Variants in GALNT17 observed in about 807,000 individuals in gnomAD.
GALNT17 encodes polypeptide N-acetylgalactosaminyltransferase 17, also known as UDP-GalNAc:polypeptide N-acetylgalactosaminyltransferase-like 3.
GALNT17 carries 29 observed loss-of-function variants against 63.7 expected under a neutral mutation model. The observed-to-expected ratio is 0.46, with a 90% CI of 0.34 to 0.62. GALNT17 has a LOEUF of 0.62. Among genes scored for constraint, GALNT17 ranks in the 20% least tolerant of loss-of-function variants. The pLI, the probability that GALNT17 is intolerant of heterozygous loss-of-function variation, is 0.01. For synonymous variants in GALNT17, 305 were observed against 318.3 expected, an observed-to-expected ratio of 0.96 and a Z score of 0.45; for missense variants, 603 against 799.6, an observed-to-expected ratio of 0.75 and a Z score of 2.97.
At chr7:71,141,679 CTTTTTTT>C (rs772422312) in intron 1 of GALNT17, among the ~76,000 whole-genome samples, 2 of 139,428 alleles carry the variant, frequency 1.4e-5, no homozygotes, top group South Asian at 2.3e-4. Flanking sequence ...TTCTTTCTTT[CTTTTTTT>C]TTTTTTTTGA....
At chr7:71,278,125 G>T (rs1325705859) in intron 1 of GALNT17, among the ~76,000 whole-genome samples, 7 of 152,206 alleles carry the variant, frequency 4.6e-5, no homozygotes, top group Non-Finnish European at 1.0e-4. Flanking sequence ...ACTAAGAAAA[G>T]AGGTCACTGT....
intron 6 of GALNT17, among the ~76,000 whole-genome samples, chr7:71,644,527 C>CA (rs58497593): frequency 0.23 from 5,439 of 23,390 alleles, 393 homozygotes; most frequent in Non-Finnish European, 0.3. Flanking sequence ...GACTCCATCT[C>CA]AAAAAAAAAA....
At position 71,495,681 on chromosome 7, in the gene GALNT17, C is replaced by A. The variant is rs550854915; in HGVS notation, c.962+74576C>A. Reference sequence around the variant, plus strand: ...GGAGCACTATACCTTGGCTCATTCCCAGTAACTGGAGGATGCTTGATGGTC... The same window carrying A: ...GGAGCACTATACCTTGGCTCATTCCAAGTAACTGGAGGATGCTTGATGGTC... On this transcript the variant is annotated intron_variant, in intron 5 of 10. Transcript: ENST00000333538. 2.6e-5 allele frequency among the ~76,000 whole-genome samples: 4 copies of A among 152,244 alleles called. No individual in the cohort carries two copies. The South Asian group carries it at 6.2e-4, about 24-fold the overall frequency.
chr7:71,490,119 C>T lies in GALNT17; in HGVS notation c.962+69014C>T, dbSNP rs1419201730. On this transcript the variant is annotated intron_variant, in intron 5 of 10. Coordinates refer to ENST00000333538, the MANE Select transcript of GALNT17 (RefSeq NM_022479.3). ...AAAAATACAAAAAAATTTAGCTGGG[C>T]GTGGTGGCGGCACCTGTAATCCCAG... Among the ~76,000 whole-genome samples the T allele has an allele frequency of 5.3e-5, 8 of 152,014 alleles. No individual in the cohort carries two copies. In the East Asian group the frequency reaches 1.4e-3, roughly 26 times the overall value.
At chr7:71,246,072 C>T (rs1583794395) in intron 1 of GALNT17, among the ~76,000 whole-genome samples, 1 of 150,272 alleles carries the variant, frequency 6.7e-6, no homozygotes. Flanking sequence ...GGGAAAAGTG[C>T]CACATGCATG....
chr7:71,401,360 G>T (rs544558172), intron 3 of GALNT17, among the ~76,000 whole-genome samples: 295 of 152,148 alleles, frequency 1.9e-3, no homozygotes, highest in African/African-American at 6.7e-3. Flanking sequence ...GCCTCCCAAA[G>T]TGCTGGGATT....
intron 1 of GALNT17, among the ~76,000 whole-genome samples, chr7:71,310,390 C>T (rs1156964075): frequency 1.3e-5 from 2 of 152,274 alleles, no homozygotes; most frequent in South Asian, 2.1e-4. Flanking sequence ...CTTCACATTC[C>T]GTGTGCCTAT....
At chr7:71,605,867 G>T (rs1790039044) in intron 6 of GALNT17, among the ~76,000 whole-genome samples, 1 of 152,048 alleles carries the variant, frequency 6.6e-6, no homozygotes, top group South Asian at 2.1e-4. Flanking sequence ...AGTGAATGAG[G>T]CTTACCCATT....
intron 1 of GALNT17, among the ~76,000 whole-genome samples, chr7:71,326,430 A>T (rs565521070): frequency 1.3e-5 from 2 of 152,304 alleles, no homozygotes; most frequent in East Asian, 3.9e-4. Flanking sequence ...ACTACACTCC[A>T]GCCTGGGTGA....
At chr7:71,501,070 A>G (rs888987275) in intron 5 of GALNT17, among the ~76,000 whole-genome samples, 11 of 152,184 alleles carry the variant, frequency 7.2e-5, no homozygotes, top group Middle Eastern at 3.4e-3. Flanking sequence ...CCTGGATTCA[A>G]GCGATTCCCC....
At chr7:71,497,675 A>C (rs1054081190) in intron 5 of GALNT17, among the ~76,000 whole-genome samples, 1 of 152,210 alleles carries the variant, frequency 6.6e-6, no homozygotes, top group Non-Finnish European at 1.5e-5. Flanking sequence ...GTGTGCTTAC[A>C]TGGGGAAGTG....
chr7:71,400,406 C>T (rs1205445738), intron 3 of GALNT17, among the ~76,000 whole-genome samples: 4 of 152,062 alleles, frequency 2.6e-5, no homozygotes, highest in Admixed American at 6.6e-5. Context: ...TTTTTTACAT[C>T]ACTTTGCAGG....
chr7:71,699,845 A>C (rs1428060533), intron 9 of GALNT17, among the ~76,000 whole-genome samples: 1 of 151,996 alleles, frequency 6.6e-6, no homozygotes, highest in Non-Finnish European at 1.5e-5. Context: ...AGGCAGGAGG[A>C]TCACGTATGC....
intron 5 of GALNT17, among the ~76,000 whole-genome samples, chr7:71,472,955 G>C (rs1049509534): frequency 6.6e-6 from 1 of 152,158 alleles, no homozygotes; most frequent in Non-Finnish European, 1.5e-5. Flanking sequence ...TGTGCCCAAG[G>C]TTGTCAGGTT....
chr7:71,518,088 A>G (rs1400173889), intron 5 of GALNT17, among the ~76,000 whole-genome samples: 1 of 152,216 alleles, frequency 6.6e-6, no homozygotes, highest in Non-Finnish European at 1.5e-5. Flanking sequence ...AAAAGAGGAC[A>G]GGGCCAGGTC....
At chr7:71,399,726 G>A (rs537201421) in intron 3 of GALNT17, among the ~76,000 whole-genome samples, 13 of 152,148 alleles carry the variant, frequency 8.5e-5, no homozygotes, top group Non-Finnish European at 1.6e-4. Context: ...CAGGTATGTG[G>A]TAATGTCACA....
intron 5 of GALNT17, among the ~76,000 whole-genome samples, chr7:71,537,099 C>T (rs1012202187): frequency 6.6e-6 from 1 of 152,210 alleles, no homozygotes; most frequent in African/African-American, 2.4e-5. Flanking sequence ...TCCTTCAAGG[C>T]TCATCCCAAG....
intron 1 of GALNT17, among the ~76,000 whole-genome samples, chr7:71,250,702 A>T (rs1213808229): frequency 6.6e-6 from 1 of 152,222 alleles, no homozygotes; most frequent in Non-Finnish European, 1.5e-5. Context: ...AACTGCAATT[A>T]CTTTTGCACC....
At chr7:71,424,643 G>A (rs1313889336) in intron 5 of GALNT17, among the ~76,000 whole-genome samples, 1 of 152,188 alleles carries the variant, frequency 6.6e-6, no homozygotes, top group Non-Finnish European at 1.5e-5. Flanking sequence ...TTTTTAATGT[G>A]TCTTAACTTA....
Sources: gnomAD v4.1 joint callset for allele counts (sites outside exome capture counted in the v4.1 genomes callset) on GRCh38, gnomAD v4.1.1 for gene constraint, MANE v1.5 for transcripts, NCBI Gene and HGNC (gene_info 2026-07-23, HGNC 2026-07-21) for gene names.